STXBP5L: variants seen among roughly 807,000 people sequenced by gnomAD.
The protein encoded by STXBP5L is syntaxin-binding protein 5-like.
STXBP5L carries 65 observed loss-of-function variants against 144.5 expected under a neutral mutation model. That is an observed-to-expected ratio of 0.45 (90% CI 0.37 to 0.55). The LOEUF is 0.55. Among genes scored for constraint, STXBP5L ranks in the 20% least tolerant of loss-of-function variants. STXBP5L has a pLI of 0.00. For synonymous variants in STXBP5L, 505 were observed against 469.6 expected (o/e 1.08, Z -0.97); for missense variants, 1,298 against 1,405.5 (o/e 0.92, Z 1.22).
chr3:121,351,208 G>A (rs1459257597), intron 20 of STXBP5L, among the ~76,000 whole-genome samples: 1 of 152,114 alleles, frequency 6.6e-6, no homozygotes, highest in Non-Finnish European at 1.5e-5. Context: ...GTCTGTTGGA[G>A]TTTGCCTGAG....
intron 3 of STXBP5L, among the ~76,000 whole-genome samples, chr3:121,039,890 C>G (rs1412467898): frequency 6.6e-6 from 1 of 151,758 alleles, no homozygotes; most frequent in African/African-American, 2.4e-5. Flanking sequence ...GACATATTTT[C>G]AAGTTCACTA....
At chr3:120,915,409 G>C (rs1709056119) in intron 2 of STXBP5L, among the ~76,000 whole-genome samples, 1 of 151,922 alleles carries the variant, frequency 6.6e-6, no homozygotes, top group Non-Finnish European at 1.5e-5. Flanking sequence ...TTACATATTG[G>C]TTTAATAGCA....
At chr3:121,347,978 G>T (rs868039711) in intron 20 of STXBP5L, among the ~76,000 whole-genome samples, 60 of 152,184 alleles carry the variant, frequency 3.9e-4, no homozygotes, top group South Asian at 8.3e-4. Flanking sequence ...GCCCTGGCCA[G>T]AACTTCCAAC....
At chr3:121,332,195 A>G (rs180735607) in intron 20 of STXBP5L, among the ~76,000 whole-genome samples, 20 of 152,128 alleles carry the variant, frequency 1.3e-4, no homozygotes, top group African/African-American at 4.6e-4. Flanking sequence ...ACAAAACAAG[A>G]TACTGTAGTA....
chr3:121,058,109 A>G (rs1267372367), intron 5 of STXBP5L, among the ~76,000 whole-genome samples: 1 of 152,088 alleles, frequency 6.6e-6, no homozygotes, highest in Non-Finnish European at 1.5e-5. Context: ...TATTTCTTGT[A>G]ATGCTATCCC....
rs191587605 is a variant in STXBP5L at position 121,108,498 on chromosome 3, T to G, written c.471-6427T>G. On this transcript the variant is annotated intron_variant, in intron 5 of 26. Transcript: ENST00000471454. ...TGTGGTTTTTTGTCTTTAGTTTTGT[T>G]TACATGATGAATTACATTTATTGAT... Among the ~76,000 whole-genome samples, 20 of 152,290 alleles carry G rather than the reference T, an allele frequency of 1.3e-4. No individual in the cohort carries two copies. The East Asian group carries it at 3.7e-3, about 28-fold the overall frequency.
rs554987005 is a variant in STXBP5L, at chr3:121,062,970, G to A, written c.470+17435G>A. 2.0e-5 allele frequency among the ~76,000 whole-genome samples: 3 copies of A among 152,240 alleles called. No individual in the cohort carries two copies. The East Asian group carries it at 5.8e-4, about 29-fold the overall frequency. On this transcript the variant is annotated intron_variant, in intron 5 of 26. Transcript: ENST00000471454. ...TTAAAACATGCTCCTTTAGCTTGGA[G>A]GAGTTTGTTATTACCCATCTTCTGA...
At chr3:121,143,086 A>G (rs2045572620) in intron 7 of STXBP5L, among the ~76,000 whole-genome samples, 1 of 151,898 alleles carries the variant, frequency 6.6e-6, no homozygotes, top group Admixed American at 6.6e-5. Context: ...GAACAGTTAT[A>G]TACCAACAAA....
intron 3 of STXBP5L, among the ~76,000 whole-genome samples, chr3:120,966,501 C>T (rs914801321): frequency 3.3e-5 from 5 of 152,102 alleles, no homozygotes; most frequent in African/African-American, 1.2e-4. Context: ...TGATGCTATT[C>T]CTTTCTGTTT....
chr3:121,161,413 C>G (rs1475010198), intron 9 of STXBP5L, among the ~76,000 whole-genome samples: 4 of 151,852 alleles, frequency 2.6e-5, no homozygotes, highest in Non-Finnish European at 4.4e-5. Flanking sequence ...AATTTTGCTT[C>G]CTCTTTATAT....
At chr3:120,964,041 T>G (rs1939231748) in intron 3 of STXBP5L, among the ~76,000 whole-genome samples, 2 of 152,218 alleles carry the variant, frequency 1.3e-5, no homozygotes, top group Admixed American at 1.3e-4. Context: ...TTCTTCTAGA[T>G]TTTCTAGTTT....
intron 5 of STXBP5L, among the ~76,000 whole-genome samples, chr3:121,058,633 A>T (rs894130821): frequency 6.6e-6 from 1 of 152,196 alleles, no homozygotes; most frequent in Admixed American, 6.5e-5. Context: ...CCTCTCCAGC[A>T]TCTGTTGTTT....
At chr3:121,092,838 C>T (rs1047756472) in intron 5 of STXBP5L, among the ~76,000 whole-genome samples, 1 of 152,164 alleles carries the variant, frequency 6.6e-6, no homozygotes, top group Non-Finnish European at 1.5e-5. Flanking sequence ...GAGGGCATCC[C>T]TGTCTTGTGC....
At chr3:121,191,280 G>A (rs2047668529) in intron 9 of STXBP5L, among the ~76,000 whole-genome samples, 1 of 152,208 alleles carries the variant, frequency 6.6e-6, no homozygotes, top group African/African-American at 2.4e-5. Context: ...GACTCCCTCT[G>A]CAATCCTGGC....
intron 18 of STXBP5L, among the ~76,000 whole-genome samples, chr3:121,266,947 C>T (rs979942816): frequency 1.3e-5 from 2 of 152,062 alleles, no homozygotes; most frequent in Admixed American, 6.6e-5. Context: ...CAAACCACTG[C>T]CCAAGGAAAT....
intron 20 of STXBP5L, 52 bp downstream of exon 20, chr3:121,318,592 GT>G: frequency 8.3e-7 from 1 of 1,211,032 alleles, no homozygotes; most frequent in South Asian, 1.9e-5. Flanking sequence ...GCAGTAATCT[GT>G]TGCTTTATTT....
At chr3:121,353,477 T>C (rs1382226720) in intron 20 of STXBP5L, among the ~76,000 whole-genome samples, 2 of 152,208 alleles carry the variant, frequency 1.3e-5, no homozygotes, top group Non-Finnish European at 2.9e-5. Context: ...CATAGAGGTG[T>C]TTATAGTATT....
At chr3:121,359,194 T>A (rs1412365206) in intron 20 of STXBP5L, among the ~76,000 whole-genome samples, 1 of 152,216 alleles carries the variant, frequency 6.6e-6, no homozygotes, top group Non-Finnish European at 1.5e-5. Flanking sequence ...TTTGCATTTC[T>A]CTGATGATCA....
intron 22 of STXBP5L, among the ~76,000 whole-genome samples, chr3:121,389,899 C>T (rs1013909820): frequency 8.5e-5 from 13 of 152,156 alleles, no homozygotes; most frequent in South Asian, 4.2e-4. Context: ...ATGTCTATTA[C>T]GTCTGCTTGT....
Sources: gnomAD v4.1 joint callset for allele counts (sites outside exome capture counted in the v4.1 genomes callset) on GRCh38, gnomAD v4.1.1 for gene constraint, MANE v1.5 for transcripts, NCBI Gene and HGNC (gene_info 2026-07-23, HGNC 2026-07-21) for gene names.